Variants in SERPINE3 observed in about 807,000 individuals in gnomAD.
SERPINE3 encodes serpin family E member 3.
In SERPINE3, 43 loss-of-function variants were observed where a neutral mutation model predicts 41.7. That is an observed-to-expected ratio of 1.03 (90% confidence interval 0.81 to 1.33). SERPINE3 has a LOEUF of 1.33. Among genes scored for constraint, SERPINE3 ranks in the 40% most tolerant of loss-of-function variants. The probability of loss-of-function intolerance (pLI) is 0.00; values close to 1 mark genes in which losing one functional copy is unlikely to be tolerated. For missense variants in SERPINE3, 440 were observed against 491.7 expected (o/e 0.89, Z 0.99); for synonymous variants, 200 against 192.2 (o/e 1.04, Z -0.34).
chr13:51,361,904 AT>A lies in SERPINE3; in HGVS notation c.1171+17del. 1 of 1,611,806 alleles carries A rather than the reference AT, an allele frequency of 6.2e-7. No individual in the cohort carries two copies. Among genetic ancestry groups the A allele is most frequent in the Non-Finnish European group, 8.5e-7 (1 of 1,178,546 alleles). On this transcript the variant is annotated intron_variant, in intron 9 of 9. Coordinates refer to ENST00000681248, the MANE Select transcript of SERPINE3 (RefSeq NM_001386375.1). ...GAGAACCTAACACAGGTATTACAGT[AT>A]TTTTTGACAGGATTCAGATAATTTA...
chr13:51,344,373 C>G lies in SERPINE3; in HGVS notation c.378C>G (p.Cys126Trp). ...FVQVGTPLSP[C>W]FVEHVSWWAN... The stretch of plus-strand genomic sequence containing the variant: ...AAGTGGGAACGCCACTGTCCCCCTG[C>G]TTTGTGGAGCACGTCTCCTGGTGGG... Residue 126 changes from cysteine to tryptophan, a missense_variant, in exon 4 of 10, where the codon TGC becomes TGG. By Grantham distance (215) the Cys-to-Trp change is radical. Coordinates refer to ENST00000681248, the MANE Select transcript of SERPINE3 (RefSeq NM_001386375.1). The G allele has an allele frequency of 6.2e-7, 1 of 1,613,498 alleles. No homozygotes were observed. Among genetic ancestry groups the G allele is most frequent in the Non-Finnish European group, 8.5e-7 (1 of 1,179,700 alleles).
intron 5 of SERPINE3, 22 bp from the exon 6 acceptor site, chr13:51,348,191 C>T (rs765685142): frequency 2.6e-6 from 4 of 1,552,402 alleles, no homozygotes; most frequent in Non-Finnish European, 2.6e-6. Context: ...CAGAGCTGAC[C>T]TCTGATCCAC....
chr13:51,354,070 C>T (rs1336709476), intron 6 of SERPINE3: 1 of 152,126 alleles, frequency 6.6e-6, no homozygotes, highest in East Asian at 1.9e-4. Flanking sequence ...AAAGTGCACA[C>T]AGCAAATATG....
chr13:51,362,642 A>T (rs1026665225), intron 9 of SERPINE3: 1 of 152,408 alleles, frequency 6.6e-6, no homozygotes, highest in Admixed American at 6.6e-5. Context: ...AGACTAATAA[A>T]ATCAAGCAAA....
chr13:51,348,330 T>TCGAGCCACAC lies in SERPINE3; in HGVS notation c.820_829dup (p.Leu277ArgfsTer29). On this transcript the variant is annotated frameshift_variant, in exon 6 of 10. Coordinates refer to ENST00000681248, the MANE Select transcript of SERPINE3 (RefSeq NM_001386375.1). LOFTEE classifies it high-confidence loss of function. ...GACAAAGACACCCCCCTGAGCCACATCGAGCCACACCTCACAGCCAGCACC... is the reference window on the plus strand; with the variant it reads ...GACAAAGACACCCCCCTGAGCCACATCGAGCCACACCGAGCCACACCTCACAGCCAGCACC... 2 of 1,613,782 alleles carry TCGAGCCACAC rather than the reference T, an allele frequency of 1.2e-6. No individual in the cohort carries two copies. Among genetic ancestry groups the TCGAGCCACAC allele is most frequent in the Non-Finnish European group, 1.7e-6 (2 of 1,179,836 alleles).
chr13:51,347,384 G>C (rs1955358471), intron 5 of SERPINE3, 150 bp downstream of exon 5: 5 of 686,876 alleles, frequency 7.3e-6, no homozygotes, highest in Non-Finnish European at 1.3e-5. Flanking sequence ...CGGAAGGAAA[G>C]ACTAAGGTGC....
intron 4 of SERPINE3, among the ~76,000 whole-genome samples, chr13:51,346,677 C>T (rs2137775672): frequency 6.6e-6 from 1 of 152,272 alleles, no homozygotes; most frequent in South Asian, 2.1e-4. Flanking sequence ...TTGTCATTGT[C>T]GCCCCCATAC....
At chr13:51,358,511 T>G (rs1350457957) in intron 7 of SERPINE3, among the ~76,000 whole-genome samples, 2 of 152,152 alleles carry the variant, frequency 1.3e-5, no homozygotes, top group African/African-American at 4.8e-5. Context: ...CACGCCTTTA[T>G]GGTTCTACAA....
At position 51,347,331 on chromosome 13, in the gene SERPINE3, A is replaced by G; in HGVS notation, c.700+97A>G. On this transcript the variant is annotated intron_variant, in intron 5 of 9. Coordinates refer to ENST00000681248, the MANE Select transcript of SERPINE3 (RefSeq NM_001386375.1). Reference sequence around the variant, plus strand: ...AGGTCCCTGCTCCTAAGGGATCGGGATGTGTTTCCGCAGGGTCCATCTGCT... The same window carrying G: ...AGGTCCCTGCTCCTAAGGGATCGGGGTGTGTTTCCGCAGGGTCCATCTGCT... 3 of 1,060,916 alleles carry G rather than the reference A, an allele frequency of 2.8e-6. No homozygotes were observed. The East Asian group carries it at 7.7e-5, about 27-fold the overall frequency. 65.7% of individuals were successfully genotyped at this position (1,060,916 alleles called of 1,614,324 possible).
rs1351058242 is a variant in SERPINE3, at chr13:51,353,711, A to T, written c.900-1332A>T. 2.0e-5 allele frequency among the ~76,000 whole-genome samples: 3 copies of T among 152,280 alleles called. No individual in the cohort carries two copies. In the South Asian group the frequency reaches 6.2e-4, roughly 32 times the overall value. The stretch of plus-strand genomic sequence containing the variant: ...TTGGAAACTATTCTGAAGATTCAAA[A>T]CATACCTTTATGAGAAAGTATGATA... On this transcript the variant is annotated intron_variant, in intron 6 of 9. Coordinates refer to ENST00000681248, the MANE Select transcript of SERPINE3 (RefSeq NM_001386375.1).
intron 4 of SERPINE3, among the ~76,000 whole-genome samples, chr13:51,345,496 G>A (rs556714246): frequency 6.6e-6 from 1 of 150,534 alleles, no homozygotes; most frequent in East Asian, 2.0e-4. Flanking sequence ...CGGGGAGGCT[G>A]AGGCAGGAGA....
rs1310760250 is a variant in SERPINE3, at chr13:51,341,118, C to T, written c.27C>T (p.Phe9=). The T allele has an allele frequency of 6.2e-7, 1 of 1,613,898 alleles. No individual in the cohort carries two copies. The highest frequency in any genetic ancestry group is 8.5e-7 in the Non-Finnish European group (1 of 1,179,882). Residue 9 remains phenylalanine (F), a synonymous_variant, in exon 3 of 10, where the codon TTC becomes TTT. Coordinates refer to ENST00000681248, the MANE Select transcript of SERPINE3 (RefSeq NM_001386375.1). ...TGCCGCCTTTCCTGATCACCCTCTTCCTCTTTCACTCTTGCTGCCTCCGAG... is the reference window on the plus strand; with the variant it reads ...TGCCGCCTTTCCTGATCACCCTCTTTCTCTTTCACTCTTGCTGCCTCCGAG... The part of the protein sequence containing the change: MPPFLITL[F]LFHSCCLRAN...
intron 7 of SERPINE3, among the ~76,000 whole-genome samples, chr13:51,359,426 C>T (rs1327129038): frequency 6.6e-6 from 1 of 152,096 alleles, no homozygotes; most frequent in Non-Finnish European, 1.5e-5. Context: ...ATGACATAGG[C>T]TATGGACCTT....
chr13:51,342,526 G>A (rs1162813033), intron 3 of SERPINE3, among the ~76,000 whole-genome samples: 3 of 152,308 alleles, frequency 2.0e-5, no homozygotes, highest in African/African-American at 7.2e-5. Context: ...ATTCTGGCAG[G>A]TCTAAAAATG....
chr13:51,344,373 C>T lies in SERPINE3; in HGVS notation c.378C>T (p.Cys126=), dbSNP rs755934773. The T allele has an allele frequency of 3.1e-6, 5 of 1,613,498 alleles. No individual in the cohort carries two copies. In the East Asian group the frequency reaches 1.1e-4, roughly 36 times the overall value. Residue 126 remains cysteine (C), a synonymous_variant, in exon 4 of 10, where the codon TGC becomes TGT. Coordinates refer to ENST00000681248, the MANE Select transcript of SERPINE3 (RefSeq NM_001386375.1). ...AAGTGGGAACGCCACTGTCCCCCTG[C>T]TTTGTGGAGCACGTCTCCTGGTGGG... ...FVQVGTPLSP[C]FVEHVSWWAN...
chr13:51,347,295 G>T, intron 5 of SERPINE3, 61 bp downstream of exon 5: 1 of 1,435,170 alleles, frequency 7.0e-7, no homozygotes, highest in Non-Finnish European at 9.7e-7. Flanking sequence ...GAGGGCAGGA[G>T]AGAGGAGGCC....
At chr13:51,343,655 GGGA>G (rs1410484280) in intron 3 of SERPINE3, among the ~76,000 whole-genome samples, 1 of 152,226 alleles carries the variant, frequency 6.6e-6, no homozygotes, top group Non-Finnish European at 1.5e-5. Flanking sequence ...AACGGGGGAT[GGGA>G]GGAGTTCTTA....
At chr13:51,345,384 G>A (rs1395984967) in intron 4 of SERPINE3, among the ~76,000 whole-genome samples, 1 of 152,112 alleles carries the variant, frequency 6.6e-6, no homozygotes, top group Non-Finnish European at 1.5e-5. Flanking sequence ...CACGAGGTCA[G>A]GAGTTTGAGA....
chr13:51,361,460 C>A, intron 8 of SERPINE3, 96 bp downstream of exon 8: 1 of 806,520 alleles, frequency 1.2e-6, no homozygotes, highest in Non-Finnish European at 2.1e-6. Context: ...CTTTCCATAA[C>A]CCCCAAGTTC....
Sources: gnomAD v4.1 joint callset for allele counts (sites outside exome capture counted in the v4.1 genomes callset) on GRCh38, gnomAD v4.1.1 for gene constraint, MANE v1.5 for transcripts, NCBI Gene and HGNC (gene_info 2026-07-23, HGNC 2026-07-21) for gene names.